The following ACP7 variants were observed in gnomAD, a reference collection of about 807,000 sequenced individuals.
ACP7 encodes acid phosphatase 7, tartrate resistant (putative).
ACP7 carries 58 observed loss-of-function variants against 60.6 expected under a neutral mutation model. The observed-to-expected ratio is 0.96, with a 90% confidence interval of 0.77 to 1.19. The LOEUF (loss-of-function observed/expected upper bound fraction) is 1.19, where lower values mean the gene tolerates loss of function less well. Among genes scored for constraint, ACP7 ranks in the 50% most tolerant of loss-of-function variants. The probability of loss-of-function intolerance (pLI) is 0.00; values close to 1 mark genes in which losing one functional copy is unlikely to be tolerated. For missense variants in ACP7, 574 were observed against 596.2 expected (o/e 0.96, Z 0.39); for synonymous variants, 237 against 232.6 (o/e 1.02, Z -0.17).
In ACP7 at chr19:39,090,790, CTT is replaced by C. The variant is rs35453957; in HGVS notation, c.121+5416_121+5417del. On this transcript the variant is annotated intron_variant, in intron 2 of 12. Transcript: ENST00000331256. ...AACTACTCGCCCAGCCTTCCCACTT[CTT>C]TTTTTTTTTTTTTTTGGTCTATTGT... Among the ~76,000 whole-genome samples, 482 of 133,404 alleles carry C rather than the reference CTT, an allele frequency of 3.6e-3. 3 individuals are homozygous for C. The highest frequency in any genetic ancestry group is 0.012 in the African/African-American group (444 of 36,098). 87.5% of individuals were successfully genotyped at this position (133,404 alleles called of 152,430 possible).
At chr19:39,096,735 C>T (rs1470188654) in intron 2 of ACP7, among the ~76,000 whole-genome samples, 1 of 152,206 alleles carries the variant, frequency 6.6e-6, no homozygotes, top group Non-Finnish European at 1.5e-5. Context: ...ATTGGACTTA[C>T]AGTTCCATAT....
In ACP7 at chr19:39,102,178, G is replaced by T. The variant is rs2073355085; in HGVS notation, c.1113+641G>T. Among the ~76,000 whole-genome samples, 2 of 150,742 alleles carry T rather than the reference G, an allele frequency of 1.3e-5. 1 individual carries two copies. The highest frequency in any genetic ancestry group is 4.2e-4 in the South Asian group (2 of 4,756). On this transcript the variant is annotated intron_variant, in intron 11 of 12. Coordinates refer to ENST00000331256, the MANE Select transcript of ACP7 (RefSeq NM_001004318.3). ...CACACAAAAGATACTGGGTGGCTAGGTGCAGTGGCTCATTCCTGTAATCCC... is the reference window on the plus strand; with the variant it reads ...CACACAAAAGATACTGGGTGGCTAGTTGCAGTGGCTCATTCCTGTAATCCC...
chr19:39,100,194 G>T, intron 4 of ACP7, 33 bp from the exon 5 acceptor site: 1 of 1,607,698 alleles, frequency 6.2e-7, no homozygotes, highest in Non-Finnish European at 8.5e-7. Flanking sequence ...AGCTGGGCCT[G>T]GGTCCTCACC....
chr19:39,106,967 G>A lies in ACP7; in HGVS notation c.1134G>A (p.Thr378=), dbSNP rs576816305. 22 of 1,613,906 alleles carry A rather than the reference G, an allele frequency of 1.4e-5. No homozygotes were observed. Among genetic ancestry groups the A allele is most frequent in the Admixed American group, 5.0e-5 (3 of 60,010 alleles). Residue 378 remains threonine, a synonymous_variant, in exon 12 of 13, where the codon ACG becomes ACA. Coordinates refer to ENST00000331256, the MANE Select transcript of ACP7 (RefSeq NM_001004318.3). ...CCCAGGGCTGTGAGGAGCGGCTGAC[G>A]CCCTTTGCTGTCTTCCCGAGGCCCT... is the stretch of plus-strand genomic sequence containing the variant. ...TGSAGCEERL[T]PFAVFPRPWS...
chr19:39,102,115 T>TTC lies in ACP7; in HGVS notation c.1113+583_1113+584dup, dbSNP rs201692824. ...AGCCTGGGCAACAAAATGAGACCCT[T>TTC]TCTCTCACACACACACACACACACA... On this transcript the variant is annotated intron_variant, in intron 11 of 12. Coordinates refer to ENST00000331256, the MANE Select transcript of ACP7 (RefSeq NM_001004318.3). Among the ~76,000 whole-genome samples, 61 of 62,506 alleles carry TTC rather than the reference T, an allele frequency of 9.8e-4. 1 individual carries two copies. The highest frequency in any genetic ancestry group is 2.8e-3 in the African/African-American group (34 of 12,034). 41.0% of individuals were successfully genotyped at this position (62,506 alleles called of 152,430 possible). A position where few individuals can be genotyped will look rare whatever the true frequency, so the allele number is the denominator to read the frequency against.
At position 39,099,866 on chromosome 19, in the gene ACP7, G is replaced by T. The variant is rs1481181013; in HGVS notation, c.506-361G>T. On this transcript the variant is annotated intron_variant, in intron 4 of 12. Transcript: ENST00000331256. Reference sequence around the variant, plus strand: ...AAATTAGCCAGGTGTGGTGGCAAGTGTCTGTAATCCCAGCTGCTTGGGAGG... The same window carrying T: ...AAATTAGCCAGGTGTGGTGGCAAGTTTCTGTAATCCCAGCTGCTTGGGAGG... 4.0e-5 allele frequency among the ~76,000 whole-genome samples: 6 copies of T among 151,704 alleles called. No homozygotes were observed. In the East Asian group the frequency reaches 1.2e-3, roughly 29 times the overall value.
chr19:39,109,770 G>GT (rs1417704690), intron 12 of ACP7, among the ~76,000 whole-genome samples: 1 of 151,032 alleles, frequency 6.6e-6, no homozygotes, highest in Non-Finnish European at 1.5e-5. Context: ...TGACTCCAGA[G>GT]TTTGTGCTCT....
At chr19:39,098,177 C>T (rs692438) in intron 2 of ACP7, among the ~76,000 whole-genome samples, 10 of 143,304 alleles carry the variant, frequency 7.0e-5, no homozygotes, top group African/African-American at 2.3e-4. Context: ...CTTGAACCTG[C>T]GAGGCGGCAG....
intron 12 of ACP7, among the ~76,000 whole-genome samples, chr19:39,109,802 A>C (rs1262022155): frequency 6.6e-6 from 1 of 151,946 alleles, no homozygotes; most frequent in Non-Finnish European, 1.5e-5. Flanking sequence ...ACACTTACAT[A>C]GCCCTTTCCA....
intron 2 of ACP7, 31 bp from the exon 3 acceptor site, chr19:39,098,427 C>T: frequency 1.6e-6 from 2 of 1,283,704 alleles, no homozygotes; most frequent in South Asian, 1.5e-5. Context: ...AGGCTTCACT[C>T]CCGGTCTACC....
intron 2 of ACP7, 22 bp downstream of exon 2, chr19:39,085,412 C>T (rs755303503): frequency 1.9e-6 from 3 of 1,597,012 alleles, no homozygotes; most frequent in South Asian, 2.3e-5. Flanking sequence ...TGACTCATTT[C>T]TATGCCTCTA....
In ACP7 at chr19:39,101,185, G is replaced by A; in HGVS notation, c.951G>A (p.Leu317=). ...RKGLQGKLYG[L]EDLFYKYGVD... The stretch of plus-strand genomic sequence containing the variant: ...GCCTCCAAGGCAAGCTGTACGGGTT[G>A]GAGGATCTTTTCTACAAATATGGTG... The change falls in exon 9 of 13, where the codon TTG becomes TTA. Residue 317 remains leucine (L), a synonymous_variant. Coordinates refer to ENST00000331256, the MANE Select transcript of ACP7 (RefSeq NM_001004318.3). The A allele has an allele frequency of 3.1e-6, 5 of 1,614,172 alleles. No individual in the cohort carries two copies. Among genetic ancestry groups the A allele is most frequent in the Non-Finnish European group, 4.2e-6 (5 of 1,180,028 alleles).
intron 2 of ACP7, among the ~76,000 whole-genome samples, chr19:39,090,257 C>T (rs1441155262): frequency 6.6e-6 from 1 of 152,046 alleles, no homozygotes; most frequent in African/African-American, 2.4e-5. Context: ...GAACCTCCAC[C>T]TCCCAGGTTC....
At chr19:39,104,613 G>A (rs550208129) in intron 11 of ACP7, among the ~76,000 whole-genome samples, 1 of 152,318 alleles carries the variant, frequency 6.6e-6, no homozygotes, top group East Asian at 1.9e-4. Flanking sequence ...GCCGGGCGCG[G>A]TGGCTTACGC....
Position 39,091,775 on chromosome 19 carries a change from G to T in ACP7, c.121+6385G>T, listed in dbSNP as rs957332470. On this transcript the variant is annotated intron_variant, in intron 2 of 12. Coordinates refer to ENST00000331256, the MANE Select transcript of ACP7 (RefSeq NM_001004318.3). Reference sequence around the variant, plus strand: ...AACTACAAAAAATTAGCCAGGCGTGGTGGTGTGTGCCTGTAATCCCAGCTA... The same window carrying T: ...AACTACAAAAAATTAGCCAGGCGTGTTGGTGTGTGCCTGTAATCCCAGCTA... Among the ~76,000 whole-genome samples, 6 of 151,822 alleles carry T rather than the reference G, an allele frequency of 4.0e-5. No homozygotes were observed. The East Asian group carries it at 1.2e-3, about 30-fold the overall frequency.
intron 11 of ACP7, among the ~76,000 whole-genome samples, chr19:39,105,585 A>G (rs1398201022): frequency 6.6e-6 from 1 of 151,924 alleles, no homozygotes; most frequent in East Asian, 1.9e-4. Flanking sequence ...CAGTGTTACA[A>G]TCTCGGCTCA....
chr19:39,100,407 T>C, intron 5 of ACP7, 57 bp downstream of exon 5: 1 of 1,607,394 alleles, frequency 6.2e-7, no homozygotes, highest in East Asian at 2.2e-5. Context: ...AATGGTCTCG[T>C]TCTTCTTAGT....
rs763445208 is a variant in ACP7, at chr19:39,098,626, C to G, written c.290C>G (p.Thr97Arg). 6.2e-7 allele frequency: 1 copy of G among 1,613,062 alleles called. No individual in the cohort carries two copies. Among genetic ancestry groups the G allele is most frequent in the Admixed American group, 1.7e-5 (1 of 59,916 alleles). Residue 97 changes from threonine (T) to arginine (R), a missense_variant, in exon 3 of 13, where the codon ACG becomes AGG. Thr to Arg is a moderately conservative substitution (Grantham distance 71). Coordinates refer to ENST00000331256, the MANE Select transcript of ACP7 (RefSeq NM_001004318.3). ...LRRKLYIHRV[T>R]LRKLLPGVQY... ...CGGAAGCTCTACATACACCGAGTCA[C>G]GCTTCGCAAGCTGCTGCCAGGGGTT...
intron 12 of ACP7, 101 bp from the exon 13 acceptor site, chr19:39,109,952 C>A: frequency 1.7e-6 from 2 of 1,194,066 alleles, no homozygotes; most frequent in Non-Finnish European, 2.4e-6. Flanking sequence ...CAGGGTTGTA[C>A]AGCCCATCAG....
Sources: gnomAD v4.1 joint callset for allele counts (sites outside exome capture counted in the v4.1 genomes callset) on GRCh38, gnomAD v4.1.1 for gene constraint, MANE v1.5 for transcripts, NCBI Gene and HGNC (gene_info 2026-07-23, HGNC 2026-07-21) for gene names.